The following MCFD2 variants were observed in gnomAD, a reference collection of about 807,000 sequenced individuals.
The protein encoded by MCFD2 is multiple coagulation factor deficiency 2, ER cargo receptor complex subunit, also known as multiple coagulation factor deficiency protein 2.
Under a neutral mutation model 12.8 loss-of-function variants are expected in MCFD2, and 11 were observed. The ratio of observed to expected loss-of-function variants is 0.86; its 90% CI spans 0.54 to 1.42. The LOEUF (loss-of-function observed/expected upper bound fraction) is 1.42, where lower values mean the gene tolerates loss of function less well. Among genes scored for constraint, MCFD2 ranks in the 40% most tolerant of loss-of-function variants. The pLI is 0.00. For missense variants in MCFD2, 191 were observed against 178.6 expected (o/e 1.07, Z -0.40); for synonymous variants, 70 against 68.1 (o/e 1.03, Z -0.14).
In MCFD2 at chr2:46,907,204, T is replaced by G. The variant is rs1033115808; in HGVS notation, c.309+606A>C. On this transcript the variant is annotated intron_variant, in intron 3 of 3. Coordinates refer to ENST00000319466, the MANE Select transcript of MCFD2 (RefSeq NM_139279.6). The surrounding 1 kb of genome is among the most constrained non-coding windows in gnomAD (Gnocchi z 4.1). ...CTTGCTCTGCAGTTTGAATACGGTC[T>G]GTCTTTTAGGCACTGATTCTCATAC... 6.2e-6 allele frequency: 1 copy of G among 160,352 alleles called. No homozygotes were observed. Among genetic ancestry groups the G allele is most frequent in the Non-Finnish European group, 1.4e-5 (1 of 72,894 alleles). 9.9% of individuals were successfully genotyped at this position (160,352 alleles called of 1,614,324 possible).
chr2:46,915,653 C>T (rs1327942571), intron 1 of MCFD2, 70 bp downstream of exon 1: 1 of 559,240 alleles, frequency 1.8e-6, no homozygotes, highest in Non-Finnish European at 2.3e-6. Context: ...TCATCTTGAG[C>T]CCAAGCCTCC....
chr2:46,904,946 G>C lies in MCFD2; in HGVS notation c.*517C>G, dbSNP rs761766519. 2.1e-3 allele frequency: 443 copies of C among 208,096 alleles called. 2 individuals are homozygous for C. Among genetic ancestry groups the C allele is most frequent in the Non-Finnish European group, 2.8e-3 (282 of 101,698 alleles). 12.9% of individuals were successfully genotyped at this position (208,096 alleles called of 1,614,324 possible). On this transcript the variant is annotated 3_prime_UTR_variant, in exon 4 of 4. Coordinates refer to ENST00000319466, the MANE Select transcript of MCFD2 (RefSeq NM_139279.6). ...ACCAGAATTCCCACGTGTTGTGGGAGAGACCCAAGGGGAGGTAATTGAATC... is the reference window on the plus strand; with the variant it reads ...ACCAGAATTCCCACGTGTTGTGGGACAGACCCAAGGGGAGGTAATTGAATC...
rs1670352801 is a variant in MCFD2, at chr2:46,941,380, T to G, written c.-8+192A>C. On this transcript the variant is annotated intron_variant, in intron 1 of 2. Coordinates refer to the MCFD2 transcript ENST00000409147. The surrounding 1 kb of genome is among the most constrained non-coding windows in gnomAD (Gnocchi z 4.2). ...GAGCTGCTGGTGCTGCTGCTGCTGCTGCTGCCCACCCTCCGCCGCCCGGGC... is the reference window on the plus strand; with the variant it reads ...GAGCTGCTGGTGCTGCTGCTGCTGCGGCTGCCCACCCTCCGCCGCCCGGGC... 4 of 486,206 alleles carry G rather than the reference T, an allele frequency of 8.2e-6. No individual in the cohort carries two copies. Among genetic ancestry groups the G allele is most frequent in the Non-Finnish European group, 1.2e-5 (4 of 340,398 alleles). 30.1% of individuals were successfully genotyped at this position (486,206 alleles called of 1,614,324 possible). A position where few individuals can be genotyped will look rare whatever the true frequency, so the allele number is the denominator to read the frequency against.
intron 1 of MCFD2, among the ~76,000 whole-genome samples, chr2:46,924,317 A>T (rs996155911): frequency 6.6e-6 from 1 of 151,600 alleles, no homozygotes; most frequent in Non-Finnish European, 1.5e-5. Flanking sequence ...GCTCATCAAC[A>T]TTCTTCCCTT....
Position 46,903,201 on chromosome 2 carries a change from A to AT in MCFD2, c.*2261dup, listed in dbSNP as rs539615165. On this transcript the variant is annotated 3_prime_UTR_variant, in exon 4 of 4. Coordinates refer to ENST00000319466, the MANE Select transcript of MCFD2 (RefSeq NM_139279.6). ...GGGTTTCTGCTTTTGCTTCTTCCTCATTTTTTCTTGCCACAATGTAAGAAG... is the reference window on the plus strand; with the variant it reads ...GGGTTTCTGCTTTTGCTTCTTCCTCATTTTTTTCTTGCCACAATGTAAGAAG... 1 of 153,524 alleles carries AT rather than the reference A, an allele frequency of 6.5e-6. No homozygotes were observed. The highest frequency in any genetic ancestry group is 1.4e-5 in the Non-Finnish European group (1 of 69,362). The allele number at this position is 153,524 out of a possible 1,614,324, so 9.5% of individuals were successfully genotyped here.
upstream of MCFD2, chr2:46,916,143 A>T: frequency 2.0e-6 from 2 of 985,158 alleles, no homozygotes; most frequent in Non-Finnish European, 2.4e-6. Flanking sequence ...CTGGCTCCCA[A>T]CTCCGCTCAC....
upstream of MCFD2, chr2:46,917,096 T>A: frequency 1.5e-6 from 1 of 685,202 alleles, no homozygotes; most frequent in Non-Finnish European, 2.6e-6. Context: ...GTCTCATTCC[T>A]TTTCCCACCT....
chr2:46,916,321 C>T (rs151317766), upstream of MCFD2: 1,883 of 314,384 alleles, frequency 6.0e-3, 42 homozygotes, highest in African/African-American at 0.04. Context: ...CGTCTGCCAG[C>T]TCCACTGCAC....
At position 46,915,005 on chromosome 2, in the gene MCFD2, G is replaced by A. The variant is rs563302147; in HGVS notation, c.-7+718C>T. On this transcript the variant is annotated intron_variant, in intron 1 of 3. Transcript: ENST00000319466. ...CCAAAGGGTGATAAGGGAATGGGGGGACGCTTCTGGTCACATGATCAGATT... is the reference window on the plus strand; with the variant it reads ...CCAAAGGGTGATAAGGGAATGGGGGAACGCTTCTGGTCACATGATCAGATT... Among the ~76,000 whole-genome samples the A allele has an allele frequency of 3.9e-5, 6 of 152,310 alleles. No individual in the cohort carries two copies. The South Asian group carries it at 1.0e-3, about 26-fold the overall frequency.
rs539665036 is a variant in MCFD2 at position 46,933,341 on chromosome 2, T to C, written c.-8+8231A>G. Among the ~76,000 whole-genome samples, 14 of 152,298 alleles carry C rather than the reference T, an allele frequency of 9.2e-5. No individual in the cohort carries two copies. In the South Asian group the frequency reaches 2.3e-3, roughly 25 times the overall value. On this transcript the variant is annotated intron_variant, in intron 1 of 2. Transcript: ENST00000409147. The stretch of plus-strand genomic sequence containing the variant: ...ACACCCCAAAGCTCTCATCTCCAAG[T>C]GTGGGAAAATCTTCAACATTCTGAG...
At position 46,908,236 on chromosome 2, in the gene MCFD2, CA is replaced by C; in HGVS notation, c.150-268del. The C allele has an allele frequency of 2.0e-6, 1 of 506,386 alleles. No individual in the cohort carries two copies. Among genetic ancestry groups the C allele is most frequent in the South Asian group, 2.2e-5 (1 of 46,494 alleles). The allele number at this position is 506,386 out of a possible 1,614,324, so 31.4% of individuals were successfully genotyped here. A position where few individuals can be genotyped will look rare whatever the true frequency, so the allele number is the denominator to read the frequency against. On this transcript the variant is annotated intron_variant, in intron 2 of 3. Coordinates refer to ENST00000319466, the MANE Select transcript of MCFD2 (RefSeq NM_139279.6). This position sits in a 1 kb window ranked among gnomAD's most constrained non-coding sequence, Gnocchi z 4.5. Reference sequence around the variant, plus strand: ...GAATTTTGTTATAACATTTTCAGGCCATCAATTTAAAAATATGTCCTTTAAA... The same window carrying C: ...GAATTTTGTTATAACATTTTCAGGCCTCAATTTAAAAATATGTCCTTTAAA...
intron 1 of MCFD2, chr2:46,912,624 C>T (rs1239070653): frequency 1.3e-5 from 2 of 152,238 alleles, no homozygotes; most frequent in Non-Finnish European, 2.9e-5. Flanking sequence ...CCAAGTGCTT[C>T]CCTTCAGAAG....
chr2:46,923,349 C>T (rs1669204777), intron 1 of MCFD2, among the ~76,000 whole-genome samples: 1 of 147,234 alleles, frequency 6.8e-6, no homozygotes, highest in South Asian at 2.1e-4. Context: ...CAGTAAAGAG[C>T]TGTCATTCTG....
rs1315722693 is a variant in MCFD2 at position 46,941,602 on chromosome 2, C to T, written c.-38G>A. 7 of 1,556,758 alleles carry T rather than the reference C, an allele frequency of 4.5e-6. No homozygotes were observed. The African/African-American group carries it at 9.5e-5, about 21-fold the overall frequency. On this transcript the variant is annotated 5_prime_UTR_variant, in exon 1 of 3. Coordinates refer to the MCFD2 transcript ENST00000409147. The surrounding 1 kb of genome is among the most constrained non-coding windows in gnomAD (Gnocchi z 4.2). The stretch of plus-strand genomic sequence containing the variant: ...GGTGGAGAGCGAGCTGGAGCGCTGC[C>T]GCGCCGAGGGCCACTGGGACCGCAT...
rs951243437 is a variant in MCFD2 at position 46,941,122 on chromosome 2, A to G, written c.-8+450T>C. On this transcript the variant is annotated intron_variant, in intron 1 of 2. Coordinates refer to the MCFD2 transcript ENST00000409147. The surrounding 1 kb of genome is among the most constrained non-coding windows in gnomAD (Gnocchi z 4.2). ...GGCTGCTGTGGCCGCGCTGGCAGCC[A>G]GCGAGCCCGGCTCGCCGAGGCCTCC... The G allele has an allele frequency of 6.8e-6, 1 of 147,560 alleles. No individual in the cohort carries two copies. Among genetic ancestry groups the G allele is most frequent in the Non-Finnish European group, 1.5e-5 (1 of 66,038 alleles). 9.1% of individuals were successfully genotyped at this position (147,560 alleles called of 1,614,324 possible).
At chr2:46,928,220 A>C (rs987032582) in intron 1 of MCFD2, among the ~76,000 whole-genome samples, 3 of 151,868 alleles carry the variant, frequency 2.0e-5, no homozygotes, top group Non-Finnish European at 2.9e-5. Context: ...TCTGCATAAC[A>C]AATTACTACC....
chr2:46,927,959 T>C (rs1489805074), intron 1 of MCFD2, among the ~76,000 whole-genome samples: 1 of 133,824 alleles, frequency 7.5e-6, no homozygotes, highest in Non-Finnish European at 1.5e-5. Flanking sequence ...AGTGGCACGG[T>C]CATGGCTCAC....
At position 46,908,284 on chromosome 2, in the gene MCFD2, A is replaced by G; in HGVS notation, c.150-315T>C. ...TAAAACTTTTTTTTTTTTTTGAGAC[A>G]GGGTCTCACTCTGCCACCCAGGCTG... On this transcript the variant is annotated intron_variant, in intron 2 of 3. Coordinates refer to ENST00000319466, the MANE Select transcript of MCFD2 (RefSeq NM_139279.6). The surrounding 1 kb of genome is among the most constrained non-coding windows in gnomAD (Gnocchi z 4.5). The G allele has an allele frequency of 2.7e-6, 1 of 373,358 alleles. No individual in the cohort carries two copies. The highest frequency in any genetic ancestry group is 2.2e-5 in the South Asian group (1 of 45,236). 23.1% of individuals were successfully genotyped at this position (373,358 alleles called of 1,614,324 possible). A position where few individuals can be genotyped will look rare whatever the true frequency, so the allele number is the denominator to read the frequency against.
rs1670382994 is a variant in MCFD2 at position 46,941,595 on chromosome 2, G to C, written c.-31C>G. On this transcript the variant is annotated 5_prime_UTR_variant, in exon 1 of 3. Coordinates refer to the MCFD2 transcript ENST00000409147. This position sits in a 1 kb window ranked among gnomAD's most constrained non-coding sequence, Gnocchi z 4.2. Reference sequence around the variant, plus strand: ...ACCTGAAGGTGGAGAGCGAGCTGGAGCGCTGCCGCGCCGAGGGCCACTGGG... The same window carrying C: ...ACCTGAAGGTGGAGAGCGAGCTGGACCGCTGCCGCGCCGAGGGCCACTGGG... The C allele has an allele frequency of 6.4e-7, 1 of 1,557,026 alleles. No individual in the cohort carries two copies. The highest frequency in any genetic ancestry group is 8.7e-7 in the Non-Finnish European group (1 of 1,150,996).
Sources: gnomAD v4.1 joint callset for allele counts (sites outside exome capture counted in the v4.1 genomes callset) on GRCh38, gnomAD v4.1.1 for gene constraint, Gnocchi (gnomAD v3.1) non-coding constraint, MANE v1.5 for transcripts, NCBI Gene and HGNC (gene_info 2026-07-23, HGNC 2026-07-21) for gene names.